USO1: variants seen among roughly 807,000 people sequenced by gnomAD.
The protein encoded by USO1 is USO1 vesicle transport factor, also known as general vesicular transport factor p115.
Under a neutral mutation model 124.5 loss-of-function variants are expected in USO1, and 57 were observed. That is an observed-to-expected ratio of 0.46 (90% CI 0.37 to 0.57). The LOEUF is 0.57. Among genes scored for constraint, USO1 ranks in the 20% least tolerant of loss-of-function variants. The pLI is 0.00. For missense variants in USO1, 900 were observed against 1,040.6 expected (o/e 0.86, Z 1.86); for synonymous variants, 369 against 362.8 (o/e 1.02, Z -0.19).
In USO1 at chr4:75,790,587, C is replaced by T. The variant is rs2149181492; in HGVS notation, c.1086-56C>T. 6 of 1,557,386 alleles carry T rather than the reference C, an allele frequency of 3.9e-6. No individual in the cohort carries two copies. The South Asian group carries it at 7.4e-5, about 19-fold the overall frequency. On this transcript the variant is annotated intron_variant, in intron 11 of 23. Transcript: ENST00000514213. ...ATCAACAAAAATGACTAGTTATTGA[C>T]TTGTATACTTGGGTTGCAATGTTTC...
intron 1 of USO1, among the ~76,000 whole-genome samples, chr4:75,735,243 G>A (rs1041322437): frequency 6.6e-6 from 1 of 152,082 alleles, no homozygotes; most frequent in African/African-American, 2.4e-5. Context: ...CAGCTTGAAC[G>A]TTATTGATGT....
intron 12 of USO1, among the ~76,000 whole-genome samples, chr4:75,792,605 G>T (rs1049303935): frequency 6.6e-6 from 1 of 152,016 alleles, no homozygotes; most frequent in Non-Finnish European, 1.5e-5. Flanking sequence ...GCTGAGGTGC[G>T]AGAATCACCT....
intron 1 of USO1, among the ~76,000 whole-genome samples, chr4:75,726,787 A>G (rs1720476970): frequency 6.6e-6 from 1 of 152,220 alleles, no homozygotes; most frequent in Admixed American, 6.5e-5. Flanking sequence ...GAGTCATACC[A>G]TAATCACAGC....
chr4:75,766,683 G>C (rs1721777687), intron 4 of USO1, among the ~76,000 whole-genome samples: 1 of 152,192 alleles, frequency 6.6e-6, no homozygotes, highest in Non-Finnish European at 1.5e-5. Flanking sequence ...AAAGCCCTAT[G>C]CTAGATGTTC....
At chr4:75,803,052 A>G (rs1722896856) in intron 17 of USO1, among the ~76,000 whole-genome samples, 1 of 140,416 alleles carries the variant, frequency 7.1e-6, no homozygotes, top group African/African-American at 2.6e-5. Context: ...GCACCATTGC[A>G]CTCCAGCCTG....
intron 17 of USO1, among the ~76,000 whole-genome samples, chr4:75,802,064 T>C (rs1316578230): frequency 3.3e-5 from 5 of 152,082 alleles, no homozygotes; most frequent in Admixed American, 3.3e-4. Flanking sequence ...TCCCTTCCCT[T>C]CCCTGCCTCA....
chr4:75,765,797 G>A (rs1483764515), intron 4 of USO1, among the ~76,000 whole-genome samples: 1 of 152,122 alleles, frequency 6.6e-6, no homozygotes, highest in African/African-American at 2.4e-5. Flanking sequence ...GAGATCTGTA[G>A]CAGAGAATGT....
chr4:75,761,647 CTT>C (rs1187077223), intron 4 of USO1, among the ~76,000 whole-genome samples: 1 of 152,056 alleles, frequency 6.6e-6, no homozygotes, highest in Admixed American at 6.6e-5. Flanking sequence ...TCTCTAATCT[CTT>C]TTAAGTTTCA....
intron 11 of USO1, 106 bp downstream of exon 11, chr4:75,790,344 G>A: frequency 7.2e-7 from 1 of 1,386,610 alleles, no homozygotes; most frequent in South Asian, 1.5e-5. Flanking sequence ...TTAGTTGTAT[G>A]TTTTGGAACT....
chr4:75,739,144 G>C (rs368728985), intron 1 of USO1, among the ~76,000 whole-genome samples: 2 of 152,148 alleles, frequency 1.3e-5, no homozygotes, highest in African/African-American at 4.8e-5. Context: ...GAGCCACTGA[G>C]CCCAGCCAAG....
In USO1 at chr4:75,797,887, C is replaced by T. The variant is rs544682581; in HGVS notation, c.1453-1735C>T. On this transcript the variant is annotated intron_variant, in intron 13 of 23. Transcript: ENST00000514213. Reference sequence around the variant, plus strand: ...GAACTCTGGACCTCAGGTGATCCAACGCACCTCAGCCTCCCAAAGTGCTGG... The same window carrying T: ...GAACTCTGGACCTCAGGTGATCCAATGCACCTCAGCCTCCCAAAGTGCTGG... Among the ~76,000 whole-genome samples, 16 of 152,248 alleles carry T rather than the reference C, an allele frequency of 1.1e-4. No homozygotes were observed. In the East Asian group the frequency reaches 1.2e-3, roughly 11 times the overall value.
intron 1 of USO1, among the ~76,000 whole-genome samples, chr4:75,731,098 G>GTT (rs1720618467): frequency 6.6e-6 from 1 of 152,118 alleles, no homozygotes; most frequent in East Asian, 1.9e-4. Context: ...CTGACTTAAG[G>GTT]TAACTATAAT....
chr4:75,729,410 G>A (rs1307059962), intron 1 of USO1, among the ~76,000 whole-genome samples: 1 of 152,050 alleles, frequency 6.6e-6, no homozygotes, highest in Non-Finnish European at 1.5e-5. Flanking sequence ...CGTAATCTCG[G>A]CTCACTGCAG....
At chr4:75,762,248 G>T (rs1402348906) in intron 4 of USO1, among the ~76,000 whole-genome samples, 1 of 132,962 alleles carries the variant, frequency 7.5e-6, no homozygotes, top group Non-Finnish European at 1.5e-5. Context: ...TCGGCTCACT[G>T]CAACCTCTGC....
intron 4 of USO1, among the ~76,000 whole-genome samples, chr4:75,765,685 G>A (rs1354511314): frequency 7.1e-6 from 1 of 141,576 alleles, no homozygotes; most frequent in African/African-American, 2.6e-5. Flanking sequence ...TTTGAGCTTT[G>A]AAAATCACAA....
chr4:75,808,908 T>A (rs324688), intron 20 of USO1, 45 bp from the exon 21 acceptor site: 1,103,693 of 1,528,984 alleles, frequency 0.72, 404,392 homozygotes, highest in East Asian at 0.9. Context: ...CCTTGATGAA[T>A]TTAATACCAT....
intron 4 of USO1, among the ~76,000 whole-genome samples, chr4:75,761,336 C>A (rs1001509178): frequency 2.0e-5 from 3 of 152,056 alleles, no homozygotes; most frequent in African/African-American, 7.2e-5. Context: ...TGCTTGAGCC[C>A]AGGAGTTCGA....
chr4:75,744,225 G>A (rs1397717370), intron 1 of USO1, among the ~76,000 whole-genome samples: 2 of 152,130 alleles, frequency 1.3e-5, no homozygotes, highest in African/African-American at 4.8e-5. Flanking sequence ...CATAAGTGTG[G>A]CAGCACTCTA....
chr4:75,739,538 C>CTTTTTTTTTTTTTTTTTTTTTT (rs753369609), intron 1 of USO1, among the ~76,000 whole-genome samples: 9 of 105,412 alleles, frequency 8.5e-5, no homozygotes, highest in Admixed American at 1.2e-4. Context: ...TTATCTTTTT[C>CTTTTTTTTTTTTTTTTTTTTTT]TTTTTTTTTT....
Sources: gnomAD v4.1 joint callset for allele counts (sites outside exome capture counted in the v4.1 genomes callset) on GRCh38, gnomAD v4.1.1 for gene constraint, MANE v1.5 for transcripts, NCBI Gene and HGNC (gene_info 2026-07-23, HGNC 2026-07-21) for gene names.